MAGI3: variants seen among roughly 807,000 people sequenced by gnomAD.
MAGI3 encodes membrane-associated guanylate kinase, WW and PDZ domain-containing protein 3.
MAGI3 carries 43 observed loss-of-function variants against 121.8 expected under a neutral mutation model. That is an observed-to-expected ratio of 0.35 (90% CI 0.28 to 0.46). The LOEUF (loss-of-function observed/expected upper bound fraction) is 0.46. Among genes scored for constraint, MAGI3 ranks in the 20% least tolerant of loss-of-function variants. MAGI3 has a pLI of 1.00. For missense variants in MAGI3, 1,547 were observed against 1,797.3 expected, an observed-to-expected ratio of 0.86 and a Z score of 2.52; for synonymous variants, 553 against 639.3, an observed-to-expected ratio of 0.86 and a Z score of 2.04.
At chr1:113,678,556 T>A (rs1159191004) in intron 19 of MAGI3, among the ~76,000 whole-genome samples, 3 of 152,216 alleles carry the variant, frequency 2.0e-5, no homozygotes, top group Non-Finnish European at 4.4e-5. Flanking sequence ...CAATAAGACC[T>A]TTAGTCTATT....
chr1:113,572,325 T>C (rs75159321), intron 2 of MAGI3, among the ~76,000 whole-genome samples: 19,208 of 152,236 alleles, frequency 0.13, 1,271 homozygotes, highest in East Asian at 0.18. Context: ...TTCGCATCGA[T>C]GTTCATTAGG....
At chr1:113,584,966 CCTTTTTTTTT>C in intron 3 of MAGI3, among the ~76,000 whole-genome samples, 1 of 110,730 alleles carries the variant, frequency 9.0e-6, no homozygotes, top group South Asian at 2.8e-4. Flanking sequence ...GTAGATATTT[CCTTTTTTTTT>C]TTTTTTTTTT....
At chr1:113,524,300 G>C (rs1367855220) in intron 1 of MAGI3, among the ~76,000 whole-genome samples, 2 of 152,104 alleles carry the variant, frequency 1.3e-5, no homozygotes, top group African/African-American at 4.8e-5. Flanking sequence ...TCGTGGAGAT[G>C]TGAGAAGAGG....
intron 1 of MAGI3, among the ~76,000 whole-genome samples, chr1:113,531,028 C>T (rs1658693713): frequency 6.6e-6 from 1 of 152,156 alleles, no homozygotes; most frequent in South Asian, 2.1e-4. Flanking sequence ...GGGCTAGAGA[C>T]ATAAACTGTA....
intron 1 of MAGI3, among the ~76,000 whole-genome samples, chr1:113,430,277 C>T (rs1050302643): frequency 1.3e-5 from 2 of 152,096 alleles, no homozygotes; most frequent in Non-Finnish European, 2.9e-5. Flanking sequence ...TAGTACTTAG[C>T]ACAAGGCCTG....
chr1:113,415,492 T>C (rs1006022731), intron 1 of MAGI3, among the ~76,000 whole-genome samples: 1 of 152,078 alleles, frequency 6.6e-6, no homozygotes, highest in African/African-American at 2.4e-5. Flanking sequence ...TAGATTGCTT[T>C]GTGATGGCTG....
intron 11 of MAGI3, among the ~76,000 whole-genome samples, chr1:113,644,241 A>G (rs890906223): frequency 2.6e-5 from 4 of 152,086 alleles, no homozygotes; most frequent in African/African-American, 9.7e-5. Flanking sequence ...TCTTACTTTT[A>G]AGACTAAATT....
chr1:113,587,485 C>T (rs998200771), intron 4 of MAGI3, among the ~76,000 whole-genome samples: 2 of 152,282 alleles, frequency 1.3e-5, no homozygotes, highest in East Asian at 1.9e-4. Context: ...CGTGAGCCAC[C>T]GTGCCCAGCC....
intron 9 of MAGI3, among the ~76,000 whole-genome samples, chr1:113,633,281 A>G (rs1220909937): frequency 3.2e-5 from 1 of 31,200 alleles, no homozygotes; most frequent in African/African-American, 1.1e-4. Context: ...TTTTTTTTTG[A>G]GACGGAGTCT....
At chr1:113,632,468 C>T (rs1570968308) in intron 9 of MAGI3, among the ~76,000 whole-genome samples, 1 of 152,110 alleles carries the variant, frequency 6.6e-6, no homozygotes, top group East Asian at 1.9e-4. Flanking sequence ...CTTTGTTTGG[C>T]AATAACCTTT....
chr1:113,532,575 A>C (rs1658777902), intron 1 of MAGI3, among the ~76,000 whole-genome samples: 2 of 152,138 alleles, frequency 1.3e-5, no homozygotes, highest in African/African-American at 2.4e-5. Flanking sequence ...GTTTCTTTAA[A>C]AATCCTGATC....
chr1:113,644,151 T>A (rs1196228574), intron 11 of MAGI3, among the ~76,000 whole-genome samples: 1 of 152,240 alleles, frequency 6.6e-6, no homozygotes, highest in East Asian at 1.9e-4. Context: ...TACATCGTCT[T>A]GCCCCTGCCT....
chr1:113,454,596 A>T (rs1654653613), intron 1 of MAGI3, among the ~76,000 whole-genome samples: 2 of 152,104 alleles, frequency 1.3e-5, no homozygotes, highest in South Asian at 4.1e-4. Flanking sequence ...TGCTGCACCC[A>T]TCAACCCATC....
intron 14 of MAGI3, 52 bp from the exon 15 acceptor site, chr1:113,653,778 A>G (rs1358860482): frequency 1.4e-6 from 2 of 1,432,740 alleles, no homozygotes; most frequent in East Asian, 4.9e-5. Context: ...CACTTTAGTC[A>G]CCAGAAATTA....
At chr1:113,671,615 A>C (rs1647555073) in intron 16 of MAGI3, 119 bp from the exon 17 acceptor site, 1 of 847,948 alleles carries the variant, frequency 1.2e-6, no homozygotes, top group African/African-American at 1.7e-5. Context: ...TGTTCATGCT[A>C]AAGCCACTAA....
At chr1:113,395,474 T>TAATG (rs1651061686) in intron 1 of MAGI3, among the ~76,000 whole-genome samples, 1 of 151,900 alleles carries the variant, frequency 6.6e-6, no homozygotes, top group Non-Finnish European at 1.5e-5. Flanking sequence ...TTCATATGAG[T>TAATG]AATGGGCTTA....
intron 1 of MAGI3, chr1:113,450,532 C>T: frequency 9.8e-7 from 1 of 1,021,160 alleles, no homozygotes; most frequent in South Asian, 1.3e-5. Context: ...ATGATGGTTA[C>T]AATGAAGGAG....
chr1:113,513,161 T>C (rs1031008895), intron 1 of MAGI3, among the ~76,000 whole-genome samples: 11 of 152,172 alleles, frequency 7.2e-5, no homozygotes, highest in Non-Finnish European at 1.5e-4. Flanking sequence ...TCCATGCTCA[T>C]GGGTAGGAAG....
rs1000186169 is a variant in MAGI3, at chr1:113,646,637, A to T, written c.2150A>T (p.Asp717Val). The T allele has an allele frequency of 5.0e-6, 8 of 1,588,762 alleles. No homozygotes were observed. The highest frequency in any genetic ancestry group is 6.8e-6 in the Non-Finnish European group (8 of 1,168,838). The stretch of plus-strand genomic sequence containing the variant: ...CTGAAATCTAAGACTTTATATGAAG[A>T]TAAACGTAAGTAGTTGTGGAATATT... ...VYLKSKTLYE[D>V]KPPNTKDLDV... The change falls in exon 12 of 21, where the codon GAT (aspartate) becomes GTT (valine). Residue 717 changes from aspartate (D) to valine (V), a missense_variant. Coordinates refer to ENST00000307546, the MANE Select transcript of MAGI3 (RefSeq NM_001142782.2).
Sources: allele counts gnomAD v4.1 joint callset (sites outside exome capture counted in the v4.1 genomes callset), GRCh38; gene constraint gnomAD v4.1.1; transcripts MANE v1.5; gene names NCBI Gene and HGNC (gene_info 2026-07-23, HGNC 2026-07-21).